Variants in SAE1 observed in about 807,000 individuals in gnomAD.
SAE1 encodes SUMO-activating enzyme subunit 1.
Under a neutral mutation model 40.6 loss-of-function variants are expected in SAE1, and 11 were observed. The observed-to-expected ratio is 0.27, with a 90% CI of 0.17 to 0.45. SAE1 has a LOEUF of 0.45. SAE1 is among the 20% of genes least tolerant of loss of function. SAE1 has a pLI of 1.00. For missense variants in SAE1, 373 were observed against 427.3 expected (o/e 0.87, Z 1.12); for synonymous variants, 155 against 154.3 (o/e 1.00, Z -0.03).
intron 6 of SAE1, among the ~76,000 whole-genome samples, chr19:47,170,358 G>A (rs1285033466): frequency 6.6e-6 from 1 of 151,888 alleles, no homozygotes; most frequent in Non-Finnish European, 1.5e-5. Context: ...GGGATGACAG[G>A]CATGCACCAC....
chr19:47,194,933 C>T (rs2058604160), intron 6 of SAE1, among the ~76,000 whole-genome samples: 1 of 151,086 alleles, frequency 6.6e-6, no homozygotes, highest in African/African-American at 2.4e-5. Context: ...TTAGTAGAGA[C>T]GGGGTTTCAC....
At position 47,206,010 on chromosome 19, in the gene SAE1, T is replaced by C. The variant is rs537286781; in HGVS notation, c.948+2270T>C. Among the ~76,000 whole-genome samples the C allele has an allele frequency of 2.6e-5, 4 of 152,354 alleles. No homozygotes were observed. In the South Asian group the frequency reaches 8.3e-4, roughly 32 times the overall value. On this transcript the variant is annotated intron_variant, in intron 8 of 8. Coordinates refer to ENST00000270225, the MANE Select transcript of SAE1 (RefSeq NM_005500.3). Reference sequence around the variant, plus strand: ...GCCCTTGCATTGTCAGCCTTACTTCTGCACATCCCATTGAGGGGCTCCCCC... The same window carrying C: ...GCCCTTGCATTGTCAGCCTTACTTCCGCACATCCCATTGAGGGGCTCCCCC...
intron 7 of SAE1, among the ~76,000 whole-genome samples, chr19:47,201,410 C>T (rs2058654585): frequency 9.1e-6 from 1 of 109,408 alleles, no homozygotes; most frequent in Non-Finnish European, 1.7e-5. Context: ...CTTGCTGTGT[C>T]ACCCAGGCTG....
At chr19:47,197,464 GA>G in intron 7 of SAE1, 87 bp downstream of exon 7, 1 of 1,264,792 alleles carries the variant, frequency 7.9e-7, no homozygotes, top group Non-Finnish European at 1.1e-6. Context: ...TCTTTTATTA[GA>G]AACCCTTCAG....
In SAE1 at chr19:47,169,720, TTAAA is replaced by T. The variant is rs1177694773; in HGVS notation, c.628-94_628-91del. On this transcript the variant is annotated intron_variant, in intron 5 of 8. Transcript: ENST00000270225. ...TGCTTCTTTTAATGGTCAGTAAACT[TTAAA>T]TAATGAGATTTTTCTGCAATAGAGA... 3 of 824,782 alleles carry T rather than the reference TTAAA, an allele frequency of 3.6e-6. No homozygotes were observed. The African/African-American group carries it at 5.1e-5, about 14-fold the overall frequency. The allele number at this position is 824,782 out of a possible 1,614,324, so 51.1% of individuals were successfully genotyped here.
chr19:47,176,006 T>G (rs966145691), intron 6 of SAE1, among the ~76,000 whole-genome samples: 1 of 152,252 alleles, frequency 6.6e-6, no homozygotes, highest in Non-Finnish European at 1.5e-5. Context: ...TGTTAAACCC[T>G]TCCCATTTTT....
chr19:47,183,996 C>T (rs2058526972), intron 6 of SAE1, among the ~76,000 whole-genome samples: 1 of 152,174 alleles, frequency 6.6e-6, no homozygotes, highest in African/African-American at 2.4e-5. Flanking sequence ...TTGTTGTCCA[C>T]ATTATTTCCC....
In SAE1 at chr19:47,150,342, G is replaced by A; in HGVS notation, c.351G>A (p.Lys117=). The A allele has an allele frequency of 6.2e-7, 1 of 1,603,978 alleles. No homozygotes were observed. The highest frequency in any genetic ancestry group is 2.2e-5 in the East Asian group (1 of 44,772). ...DVKVDTEDIE[K]KPESFFTQFD... is the part of the protein sequence containing the mutation. ...AGGTGGACACTGAGGATATAGAGAA[G>A]AAACCAGAGTCATTTTTCACTCAAT... The change falls in exon 3 of 9, where the codon AAG becomes AAA. Residue 117 remains lysine, a synonymous_variant. Transcript: ENST00000270225.
At chr19:47,197,409 G>A in intron 7 of SAE1, 32 bp downstream of exon 7, 2 of 1,572,302 alleles carry the variant, frequency 1.3e-6, no homozygotes, top group Non-Finnish European at 1.7e-6. Flanking sequence ...TGTTTAGTCT[G>A]GACAGATAAA....
intron 7 of SAE1, among the ~76,000 whole-genome samples, chr19:47,202,074 T>C (rs1406074022): frequency 3.3e-5 from 5 of 152,066 alleles, no homozygotes; most frequent in Non-Finnish European, 4.4e-5. Context: ...GCTCTTGGGA[T>C]TGGAATGGAT....
chr19:47,151,669 T>A (rs886617519), intron 3 of SAE1, among the ~76,000 whole-genome samples: 7 of 152,218 alleles, frequency 4.6e-5, no homozygotes, highest in Admixed American at 4.6e-4. Context: ...TCTGTGCATT[T>A]GTCCTGTTTT....
intron 5 of SAE1, among the ~76,000 whole-genome samples, chr19:47,160,857 A>G (rs924445878): frequency 3.9e-5 from 6 of 152,130 alleles, no homozygotes; most frequent in Non-Finnish European, 8.8e-5. Context: ...TATCAGAACT[A>G]CTTGGTTCAA....
At chr19:47,185,626 G>GA (rs894789027) in intron 6 of SAE1, among the ~76,000 whole-genome samples, 7 of 151,852 alleles carry the variant, frequency 4.6e-5, no homozygotes, top group African/African-American at 1.7e-4. Context: ...TTTTGAGACA[G>GA]AGTCTCACTG....
chr19:47,185,530 TC>T (rs764750947), intron 6 of SAE1, among the ~76,000 whole-genome samples: 12 of 152,202 alleles, frequency 7.9e-5, no homozygotes, highest in Middle Eastern at 3.4e-3. Context: ...GATCCTGAAC[TC>T]CTGACCTCAA....
intron 8 of SAE1, among the ~76,000 whole-genome samples, chr19:47,207,120 A>G (rs1427513746): frequency 2.0e-5 from 3 of 152,132 alleles, no homozygotes; most frequent in African/African-American, 7.2e-5. Context: ...TCATCTCTAC[A>G]AAAGTCCCAG....
At position 47,155,099 on chromosome 19, in the gene SAE1, C is replaced by T. The variant is rs1203444207; in HGVS notation, c.528-15C>T. The T allele has an allele frequency of 1.3e-6, 2 of 1,502,894 alleles. No homozygotes were observed. Among genetic ancestry groups the T allele is most frequent in the African/African-American group, 2.7e-5 (2 of 72,730 alleles). 93.1% of individuals were successfully genotyped at this position (1,502,894 alleles called of 1,614,324 possible). ...CTAGGGTAAAATTACATTCTCTCCC[C>T]TTGTCACCCTCTAGGGAGAAAACTA... is the stretch of plus-strand genomic sequence containing the variant. On this transcript the variant is annotated splice_polypyrimidine_tract_variant and intron_variant, in intron 4 of 8. Coordinates refer to ENST00000270225, the MANE Select transcript of SAE1 (RefSeq NM_005500.3).
At chr19:47,158,145 T>G (rs1203738353) in intron 5 of SAE1, among the ~76,000 whole-genome samples, 1 of 152,096 alleles carries the variant, frequency 6.6e-6, no homozygotes, top group African/African-American at 2.4e-5. Context: ...TGGTTAGGGT[T>G]CCCTTCCCCT....
intron 6 of SAE1, among the ~76,000 whole-genome samples, chr19:47,195,052 A>T (rs1423921719): frequency 6.9e-6 from 1 of 145,150 alleles, no homozygotes; most frequent in Non-Finnish European, 1.5e-5. Flanking sequence ...ACACCTGGCC[A>T]GTCTTTTTTT....
chr19:47,205,187 C>T (rs1173248960), intron 8 of SAE1, among the ~76,000 whole-genome samples: 1 of 152,130 alleles, frequency 6.6e-6, no homozygotes, highest in Non-Finnish European at 1.5e-5. Context: ...AATGATTGGC[C>T]ATGTCCATGT....
Sources: gnomAD v4.1 joint callset for allele counts (sites outside exome capture counted in the v4.1 genomes callset) on GRCh38, gnomAD v4.1.1 for gene constraint, MANE v1.5 for transcripts, NCBI Gene and HGNC (gene_info 2026-07-23, HGNC 2026-07-21) for gene names.